The following JAK1 variants were observed in gnomAD, a reference collection of about 807,000 sequenced individuals.
JAK1 encodes tyrosine-protein kinase JAK1.
In JAK1, 16 loss-of-function variants were observed where a neutral mutation model predicts 136.6. The ratio of observed to expected loss-of-function variants is 0.12; its 90% CI spans 0.08 to 0.18. The LOEUF is 0.18. JAK1 is among the 10% of genes least tolerant of loss of function. The probability of loss-of-function intolerance (pLI) is 1.00; values close to 1 mark genes in which losing one functional copy is unlikely to be tolerated. For synonymous variants in JAK1, 492 were observed against 519.5 expected, an observed-to-expected ratio of 0.95 and a Z score of 0.72; for missense variants, 859 against 1,450.1, an observed-to-expected ratio of 0.59 and a Z score of 6.62.
At chr1:64,933,369 T>C (rs57471682) in intron 1 of JAK1, among the ~76,000 whole-genome samples, 3,104 of 152,344 alleles carry the variant, frequency 0.02, 118 homozygotes, top group African/African-American at 0.072. Context: ...AAACTATTCA[T>C]GAGTGTAGCA....
At chr1:64,857,905 G>T in intron 9 of JAK1, 126 bp from the exon 10 acceptor site, 1 of 1,146,518 alleles carries the variant, frequency 8.7e-7, no homozygotes, top group South Asian at 1.5e-5. Context: ...GCCCTGCCTG[G>T]GATCCTAAAG....
intron 1 of JAK1, among the ~76,000 whole-genome samples, chr1:64,953,700 C>G (rs887044469): frequency 6.6e-6 from 1 of 152,066 alleles, no homozygotes; most frequent in Admixed American, 6.5e-5. Flanking sequence ...TGCTCTGTCC[C>G]CCAGGCCAGA....
chr1:65,058,958 T>C (rs1345709282), intron 1 of JAK1, among the ~76,000 whole-genome samples: 7 of 152,170 alleles, frequency 4.6e-5, no homozygotes, highest in African/African-American at 1.4e-4. Flanking sequence ...ATGATTCCTG[T>C]CTTCAAAGTG....
At chr1:64,835,086 C>CAA in intron 24 of JAK1, among the ~76,000 whole-genome samples, 1 of 152,198 alleles carries the variant, frequency 6.6e-6, no homozygotes, top group East Asian at 1.9e-4. Flanking sequence ...AACTTACACA[C>CAA]AAAAAATGCA....
chr1:64,878,659 T>C (rs1269431391), intron 4 of JAK1, among the ~76,000 whole-genome samples: 1 of 146,660 alleles, frequency 6.8e-6, no homozygotes, highest in Non-Finnish European at 1.5e-5. Context: ...GATAGTATCG[T>C]CTCCTGTTTC....
chr1:65,046,107 G>A (rs1647180801), intron 1 of JAK1, among the ~76,000 whole-genome samples: 1 of 152,202 alleles, frequency 6.6e-6, no homozygotes, highest in Admixed American at 6.5e-5. Flanking sequence ...GTGGCACAGG[G>A]AGTGCACAGA....
chr1:64,886,383 T>G, intron 1 of JAK1, 42 bp from the exon 2 acceptor site: 2 of 1,175,312 alleles, frequency 1.7e-6, no homozygotes, highest in Non-Finnish European at 2.3e-6. Flanking sequence ...GCAGAGGTAA[T>G]TGCATCTGAA....
At position 64,942,607 on chromosome 1, in the gene JAK1, G is replaced by A. The variant is rs374824093; in HGVS notation, c.-78+23726C>T. Among the ~76,000 whole-genome samples, 30 of 152,270 alleles carry A rather than the reference G, an allele frequency of 2.0e-4. 5 individuals are homozygous for A. Among genetic ancestry groups the A allele is most frequent in the Admixed American group, 3.3e-4 (5 of 15,290 alleles). On this transcript the variant is annotated intron_variant, in intron 1 of 24. Coordinates refer to ENST00000342505, the MANE Select transcript of JAK1 (RefSeq NM_002227.4). ...GTAGTGGTCTGGCATCCCTATGTTA[G>A]TTCAAGTATTCAACATTAACTCAAA...
Position 64,864,747 on chromosome 1 carries a change from T to C in JAK1, c.1176+40A>G, listed in dbSNP as rs1432682171. Reference sequence around the variant, plus strand: ...CGGAACTCAGCAATTCTCCCTCTCATCACCAGATCCAGACTTAAGAGCTTC... The same window carrying C: ...CGGAACTCAGCAATTCTCCCTCTCACCACCAGATCCAGACTTAAGAGCTTC... On this transcript the variant is annotated intron_variant, in intron 8 of 24. Transcript: ENST00000342505. 2.7e-6 allele frequency: 4 copies of C among 1,467,480 alleles called. No individual in the cohort carries two copies. In the African/African-American group the frequency reaches 4.2e-5, roughly 15 times the overall value. The allele number at this position is 1,467,480 out of a possible 1,614,324, so 90.9% of individuals were successfully genotyped here. A position where few individuals can be genotyped will look rare whatever the true frequency, so the allele number is the denominator to read the frequency against.
At chr1:64,998,464 G>C (rs1646723163) in intron 2 of JAK1, among the ~76,000 whole-genome samples, 2 of 152,270 alleles carry the variant, frequency 1.3e-5, no homozygotes, top group Middle Eastern at 3.4e-3. Flanking sequence ...CATGTTTTTA[G>C]ACTCATTGAA....
intron 3 of JAK1, among the ~76,000 whole-genome samples, chr1:64,882,760 GCCAC>G (rs879665403): frequency 3.3e-5 from 5 of 152,140 alleles, no homozygotes; most frequent in Non-Finnish European, 7.4e-5. Context: ...ACTTGACTAA[GCCAC>G]AAAGCAACAC....
chr1:64,880,829 C>T (rs1644759555), intron 3 of JAK1, among the ~76,000 whole-genome samples: 1 of 152,058 alleles, frequency 6.6e-6, no homozygotes, highest in Non-Finnish European at 1.5e-5. Context: ...CACCTGTAAT[C>T]CCAGCTATTC....
At chr1:64,896,687 C>G (rs1645018345) in intron 1 of JAK1, among the ~76,000 whole-genome samples, 1 of 152,148 alleles carries the variant, frequency 6.6e-6, no homozygotes, top group African/African-American at 2.4e-5. Flanking sequence ...GCAACCCAAG[C>G]ACATAGCAAG....
rs550853412 is a variant in JAK1 at position 64,869,511 on chromosome 1, G to A, written c.484-37C>T. ...GGGGAGAAACCATGAGAGCCCACCCGTTTTTGATCTTGACAAGAAGGCTAC... is the reference window on the plus strand; with the variant it reads ...GGGGAGAAACCATGAGAGCCCACCCATTTTTGATCTTGACAAGAAGGCTAC... On this transcript the variant is annotated intron_variant, in intron 5 of 24. Coordinates refer to ENST00000342505, the MANE Select transcript of JAK1 (RefSeq NM_002227.4). 5.2e-5 allele frequency: 83 copies of A among 1,586,540 alleles called. 1 individual carries two copies. The highest frequency in any genetic ancestry group is 4.3e-4 in the South Asian group (39 of 89,732).
intron 9 of JAK1, among the ~76,000 whole-genome samples, chr1:64,858,315 C>G (rs374375755): frequency 2.6e-5 from 4 of 152,192 alleles, no homozygotes; most frequent in Admixed American, 6.5e-5. Flanking sequence ...ATGTAGAGAG[C>G]AGTGAATACT....
Position 65,027,223 on chromosome 1 carries a change from C to G in JAK1, c.-78+17257G>C, listed in dbSNP as rs138524500. On this transcript the variant is annotated intron_variant, in intron 2 of 25. Coordinates refer to the JAK1 transcript ENST00000671954. ...CACCACACCTGGCTAATTTACCACA[C>G]CTGGCTAATTTTTTTTTTCTTTTAG... Among the ~76,000 whole-genome samples, 7 of 151,678 alleles carry G rather than the reference C, an allele frequency of 4.6e-5. No homozygotes were observed. In the East Asian group the frequency reaches 1.4e-3, roughly 30 times the overall value.
intron 5 of JAK1, among the ~76,000 whole-genome samples, chr1:64,872,780 T>G (rs1657149723): frequency 6.6e-6 from 1 of 152,250 alleles, no homozygotes; most frequent in Non-Finnish European, 1.5e-5. Flanking sequence ...AAAAGCAGTT[T>G]ACAAAACAAA....
intron 1 of JAK1, among the ~76,000 whole-genome samples, chr1:64,906,107 C>A (rs1173696399): frequency 2.0e-5 from 3 of 152,090 alleles, no homozygotes; most frequent in African/African-American, 7.2e-5. Context: ...TCAGCCTGAC[C>A]AACACAGTGA....
At chr1:64,975,294 C>G (rs757308345) in intron 2 of JAK1, among the ~76,000 whole-genome samples, 25 of 152,188 alleles carry the variant, frequency 1.6e-4, no homozygotes, top group Non-Finnish European at 2.6e-4. Flanking sequence ...CTGCCATGCT[C>G]TGTCATTGGT....
Sources: allele counts gnomAD v4.1 joint callset (sites outside exome capture counted in the v4.1 genomes callset), GRCh38; gene constraint gnomAD v4.1.1; transcripts MANE v1.5; gene names NCBI Gene and HGNC (gene_info 2026-07-23, HGNC 2026-07-21).